CNOT2: variants seen among roughly 807,000 people sequenced by gnomAD.
CNOT2 encodes CCR4-NOT transcription complex subunit 2, also known as CC chemokine receptor 4-negative regulator of transcription 2.
A neutral mutation model predicts 72.1 loss-of-function variants in CNOT2; 7 were observed. The ratio of observed to expected loss-of-function variants is 0.10; its 90% CI spans 0.06 to 0.18. CNOT2 has a LOEUF of 0.18. Among genes scored for constraint, CNOT2 ranks in the 10% least tolerant of loss-of-function variants. The pLI, the probability that CNOT2 is intolerant of heterozygous loss-of-function variation, is 1.00. For synonymous variants in CNOT2, 196 were observed against 225.6 expected (o/e 0.87, Z 1.17); for missense variants, 345 against 660.3 (o/e 0.52, Z 5.23).
intron 2 of CNOT2, among the ~76,000 whole-genome samples, chr12:70,308,754 C>A (rs181955608): frequency 6.1e-4 from 93 of 152,134 alleles, no homozygotes; most frequent in African/African-American, 2.1e-3. Context: ...CAATTAATTT[C>A]AATTTTAGAA....
chr12:70,352,665 C>T (rs570948791), intron 15 of CNOT2, among the ~76,000 whole-genome samples: 1 of 152,198 alleles, frequency 6.6e-6, no homozygotes, highest in East Asian at 1.9e-4. Flanking sequence ...TTGGATTATG[C>T]AGTAATTTGT....
chr12:70,292,752 A>G (rs1244742560), intron 2 of CNOT2, among the ~76,000 whole-genome samples: 1 of 152,176 alleles, frequency 6.6e-6, no homozygotes, highest in Admixed American at 6.5e-5. Flanking sequence ...TTTTATTCTG[A>G]GCCTGAAGGG....
At chr12:70,256,820 A>C (rs1356858604) in intron 1 of CNOT2, among the ~76,000 whole-genome samples, 2 of 152,122 alleles carry the variant, frequency 1.3e-5, no homozygotes, top group Non-Finnish European at 2.9e-5. Context: ...GGAGAGTTGT[A>C]ATAAAGAGAG....
chr12:70,265,273 T>TCTTCTCTTCTCTTC lies in CNOT2; in HGVS notation c.-95-12859_-95-12858insCTTCTCTTCTCTTC, dbSNP rs1229244460. Among the ~76,000 whole-genome samples the TCTTCTCTTCTCTTC allele has an allele frequency of 4.7e-3, 592 of 125,466 alleles. 4 individuals carry two copies. Among genetic ancestry groups the TCTTCTCTTCTCTTC allele is most frequent in the African/African-American group, 0.016 (560 of 35,798 alleles). The allele number at this position is 125,466 out of a possible 152,430, so 82.3% of individuals were successfully genotyped here. On this transcript the variant is annotated intron_variant, in intron 1 of 15. Coordinates refer to ENST00000229195, the MANE Select transcript of CNOT2 (RefSeq NM_014515.7). ...TACCAAACCTGGAGTTTCGTTTTGT[T>TCTTCTCTTCTCTTC]TCTTCTCTTCTCTTCTCTTCTCTTC... is the stretch of plus-strand genomic sequence containing the variant.
intron 1 of CNOT2, among the ~76,000 whole-genome samples, chr12:70,263,894 G>T (rs751152200): frequency 1.3e-5 from 2 of 152,210 alleles, no homozygotes; most frequent in African/African-American, 4.8e-5. Flanking sequence ...ATTTCTTGCC[G>T]TGTGAAGTGC....
At chr12:70,327,111 G>T (rs777939758) in intron 4 of CNOT2, among the ~76,000 whole-genome samples, 1 of 151,862 alleles carries the variant, frequency 6.6e-6, no homozygotes, top group Non-Finnish European at 1.5e-5. Flanking sequence ...ATCTCAATGA[G>T]CCTTTTGTAG....
At chr12:70,310,086 A>G (rs1876195317) in intron 2 of CNOT2, among the ~76,000 whole-genome samples, 1 of 152,056 alleles carries the variant, frequency 6.6e-6, no homozygotes, top group South Asian at 2.1e-4. Context: ...TAATCTAGAG[A>G]TGATTTAAAG....
chr12:70,348,752 A>G (rs1278030656), intron 15 of CNOT2, among the ~76,000 whole-genome samples: 5 of 152,212 alleles, frequency 3.3e-5, no homozygotes, highest in East Asian at 1.9e-4. Flanking sequence ...GTTAACATTA[A>G]TGTAGGACTC....
intron 15 of CNOT2, among the ~76,000 whole-genome samples, chr12:70,350,320 T>G (rs1882718165): frequency 6.6e-6 from 1 of 152,202 alleles, no homozygotes; most frequent in African/African-American, 2.4e-5. Flanking sequence ...TTAAGATTTT[T>G]TATGTCACAG....
rs1159800561 is a variant in CNOT2 at position 70,354,956 on chromosome 12, C to T, written c.*1041C>T. Reference sequence around the variant, plus strand: ...CTTGTATTTTCTGACCACATAAAGGCTTCTTCTCTTTGTAATAAAGTAGAA... The same window carrying T: ...CTTGTATTTTCTGACCACATAAAGGTTTCTTCTCTTTGTAATAAAGTAGAA... On this transcript the variant is annotated 3_prime_UTR_variant, in exon 16 of 16. Transcript: ENST00000229195. The T allele has an allele frequency of 6.6e-6, 1 of 152,608 alleles. No homozygotes were observed. The highest frequency in any genetic ancestry group is 1.5e-5 in the Non-Finnish European group (1 of 68,034). 9.5% of individuals were successfully genotyped at this position (152,608 alleles called of 1,614,324 possible).
intron 2 of CNOT2, among the ~76,000 whole-genome samples, chr12:70,305,773 C>G (rs944436571): frequency 6.6e-6 from 1 of 151,694 alleles, no homozygotes; most frequent in Non-Finnish European, 1.5e-5. Context: ...TCAGGCCTGC[C>G]TCTTACTTCG....
At chr12:70,243,354 GC>G (rs1250907354), upstream of CNOT2, 3 of 152,698 alleles carry the variant, frequency 2.0e-5, no homozygotes. Context: ...ACCTTCCGCT[GC>G]CGCCTGGAGG....
chr12:70,311,901 TG>T (rs2135959281), intron 3 of CNOT2, among the ~76,000 whole-genome samples: 1 of 152,134 alleles, frequency 6.6e-6, no homozygotes, highest in East Asian at 1.9e-4. Context: ...CAAATGCCCT[TG>T]TTTTTCTTTG....
At chr12:70,352,697 G>C (rs1184945347) in intron 15 of CNOT2, among the ~76,000 whole-genome samples, 1 of 152,174 alleles carries the variant, frequency 6.6e-6, no homozygotes, top group Admixed American at 6.5e-5. Flanking sequence ...TGGTAGAATT[G>C]GTAAGAGGCT....
intron 2 of CNOT2, among the ~76,000 whole-genome samples, chr12:70,282,076 C>G (rs1267970149): frequency 6.6e-6 from 1 of 151,978 alleles, no homozygotes; most frequent in East Asian, 1.9e-4. Context: ...TAGCTTGGTG[C>G]TTGGTATGTA....
intron 4 of CNOT2, among the ~76,000 whole-genome samples, chr12:70,324,900 G>A (rs1336201916): frequency 6.6e-6 from 1 of 151,672 alleles, no homozygotes; most frequent in African/African-American, 2.4e-5. Flanking sequence ...CCAAACACCT[G>A]GCTGAGTCTC....
chr12:70,254,133 G>T (rs1958295379), intron 1 of CNOT2, among the ~76,000 whole-genome samples: 1 of 151,836 alleles, frequency 6.6e-6, no homozygotes, highest in Non-Finnish European at 1.5e-5. Context: ...AGCTACTCAG[G>T]AGGCGGAGGC....
chr12:70,340,694 A>G (rs1376356689), intron 11 of CNOT2, among the ~76,000 whole-genome samples: 1 of 151,976 alleles, frequency 6.6e-6, no homozygotes, highest in Non-Finnish European at 1.5e-5. Flanking sequence ...TTTAACTGCT[A>G]CCACCCTTGT....
intron 1 of CNOT2, among the ~76,000 whole-genome samples, chr12:70,248,003 A>C (rs757705046): frequency 6.6e-6 from 1 of 152,244 alleles, no homozygotes; most frequent in Non-Finnish European, 1.5e-5. Context: ...GTATGGAATT[A>C]GGGAAGGATG....
Sources: gnomAD v4.1 joint callset for allele counts (sites outside exome capture counted in the v4.1 genomes callset) on GRCh38, gnomAD v4.1.1 for gene constraint, MANE v1.5 for transcripts, NCBI Gene and HGNC (gene_info 2026-07-23, HGNC 2026-07-21) for gene names.